Variants in ITIH3 observed in about 807,000 individuals in gnomAD.
ITIH3 encodes inter-alpha-trypsin inhibitor heavy chain H3.
Under a neutral mutation model 96.5 loss-of-function variants are expected in ITIH3, and 81 were observed. That is an observed-to-expected ratio of 0.84 (90% CI 0.70 to 1.01). The LOEUF (loss-of-function observed/expected upper bound fraction) is 1.01, where lower values mean the gene tolerates loss of function less well. ITIH3 is among the 50% of genes least tolerant of loss of function. The pLI, the probability that ITIH3 is intolerant of heterozygous loss-of-function variation, is 0.00. For missense variants in ITIH3, 1,057 were observed against 1,139.3 expected (o/e 0.93, Z 1.04); for synonymous variants, 422 against 445.2 (o/e 0.95, Z 0.66).
At chr3:52,808,078 G>C (rs776533166) in intron 20 of ITIH3, 32 bp from the exon 21 acceptor site, 6 of 1,606,258 alleles carry the variant, frequency 3.7e-6, no homozygotes, top group Non-Finnish European at 5.1e-6. Context: ...GCAATGGCCA[G>C]GGGCTGACAG....
intron 10 of ITIH3, 65 bp from the exon 11 acceptor site, chr3:52,800,900 G>A: frequency 1.3e-6 from 2 of 1,595,782 alleles, no homozygotes; most frequent in South Asian, 1.1e-5. Context: ...GGTCTCCCCA[G>A]ACAGAGCTGG....
Position 52,806,971 on chromosome 3 carries a change from C to T in ITIH3, c.2127C>T (p.Tyr709=). ...CTGACTCCAAGACCAGAAAGACTTACTTTGGAAAACTGGGCATCGCCAATG... is the reference window on the plus strand; with the variant it reads ...CTGACTCCAAGACCAGAAAGACTTATTTTGGAAAACTGGGCATCGCCAATG... ...GSPDSKTRKT[Y]FGKLGIANAQ... is the part of the protein sequence containing the mutation. The change falls in exon 19 of 22, where the codon TAC becomes TAT. Residue 709 remains tyrosine (Y), a synonymous_variant. Transcript: ENST00000449956. 6.3e-7 allele frequency: 1 copy of T among 1,594,716 alleles called. No individual in the cohort carries two copies. Among genetic ancestry groups the T allele is most frequent in the Non-Finnish European group, 8.5e-7 (1 of 1,170,720 alleles).
At position 52,805,834 on chromosome 3, in the gene ITIH3, T is replaced by C; in HGVS notation, c.1900T>C (p.Tyr634His). Residue 634 changes from tyrosine to histidine, a missense_variant, in exon 16 of 22, where the codon TAC becomes CAC. By Grantham distance (83) the Tyr-to-His change is moderately conservative. Transcript: ENST00000449956. ...EATPVSPAMS[Y>H]LTSYQPPQNP... Reference sequence around the variant, plus strand: ...CACACCGGTGAGCCCCGCCATGTCCTACCTGAGTGAGTACATGCTGGCAGC... The same window carrying C: ...CACACCGGTGAGCCCCGCCATGTCCCACCTGAGTGAGTACATGCTGGCAGC... 6.2e-7 allele frequency: 1 copy of C among 1,613,830 alleles called. No individual in the cohort carries two copies. Among genetic ancestry groups the C allele is most frequent in the Non-Finnish European group, 8.5e-7 (1 of 1,179,766 alleles).
intron 11 of ITIH3, 55 bp from the exon 12 acceptor site, chr3:52,802,279 C>G: frequency 1.9e-6 from 3 of 1,575,322 alleles, no homozygotes; most frequent in Non-Finnish European, 2.6e-6. Context: ...CCAGCTGCAG[C>G]ATCAGTGGGA....
intron 17 of ITIH3, 36 bp downstream of exon 17, chr3:52,806,174 GCCTGGGCACGTGCT>G (rs764525966): frequency 1.3e-6 from 2 of 1,599,680 alleles, no homozygotes. Context: ...AGGCTCAGGG[GCCTGGGCACGTGCT>G]CCTGCCTGTC....
At position 52,798,607 on chromosome 3, in the gene ITIH3, T is replaced by G. The variant is rs148517715; in HGVS notation, c.664-359T>G. 2,034 of 229,804 alleles carry G rather than the reference T, an allele frequency of 8.9e-3. 81 individuals carry two copies. The South Asian group carries it at 0.11, about 13-fold the overall frequency. The allele number at this position is 229,804 out of a possible 1,614,324, so 14.2% of individuals were successfully genotyped here. Reference sequence around the variant, plus strand: ...GGAAGCTACCCCTTCCCTAAGTAGCTTCTCAGTGCTGAGCTCCAAGGTAGC... The same window carrying G: ...GGAAGCTACCCCTTCCCTAAGTAGCGTCTCAGTGCTGAGCTCCAAGGTAGC... On this transcript the variant is annotated intron_variant, in intron 6 of 21. Transcript: ENST00000449956.
intron 13 of ITIH3, among the ~76,000 whole-genome samples, chr3:52,803,569 T>C (rs185669485): frequency 4.3e-4 from 65 of 152,320 alleles, no homozygotes; most frequent in Non-Finnish European, 7.9e-4. Context: ...TTCACCCGCC[T>C]TGGCCTCCCA....
intron 9 of ITIH3, 118 bp from the exon 10 acceptor site, chr3:52,800,420 A>G (rs1371546561): frequency 4.1e-6 from 5 of 1,217,326 alleles, no homozygotes; most frequent in Non-Finnish European, 3.4e-6. Flanking sequence ...ATGGGCTGGC[A>G]GATAGGGTCC....
At chr3:52,802,933 GTCTGT>G (rs1277581357) in intron 13 of ITIH3, 127 bp downstream of exon 13, 19 of 1,120,292 alleles carry the variant, frequency 1.7e-5, no homozygotes, top group Non-Finnish European at 2.3e-5. Flanking sequence ...CTGTAGAGCA[GTCTGT>G]AAGGAACCCC....
At chr3:52,800,349 G>A in intron 9 of ITIH3, 189 bp from the exon 10 acceptor site, 1 of 641,452 alleles carries the variant, frequency 1.6e-6, no homozygotes, top group Non-Finnish European at 2.6e-6. Context: ...CCATTTGAAA[G>A]TGGAAGTTGT....
intron 14 of ITIH3, chr3:52,804,402 G>T: frequency 9.1e-6 from 4 of 439,462 alleles, no homozygotes; most frequent in Non-Finnish European, 1.6e-5. Context: ...AGAGCTGGAG[G>T]CTGGGACCCC....
intron 1 of ITIH3, 58 bp from the exon 2 acceptor site, chr3:52,795,545 G>A (rs1699547216): frequency 8.9e-6 from 14 of 1,571,104 alleles, no homozygotes; most frequent in Admixed American, 7.5e-5. Context: ...CAGGCCATGC[G>A]GCCTTGGTGT....
Position 52,796,849 on chromosome 3 carries a change from T to A in ITIH3, c.386+6T>A. On this transcript the variant is annotated splice_donor_region_variant and intron_variant, in intron 4 of 21. Coordinates refer to ENST00000449956, the MANE Select transcript of ITIH3 (RefSeq NM_002217.4). ...AAGACGGCCGGCTTGGTCAAGTAAG[T>A]ATGGACTCCCAGGCCTTGGGGAGAA... 1 of 1,587,128 alleles carries A rather than the reference T, an allele frequency of 6.3e-7. No homozygotes were observed.
Position 52,796,644 on chromosome 3 carries a change from C to T in ITIH3, c.278C>T (p.Thr93Ile). 4 of 1,612,156 alleles carry T rather than the reference C, an allele frequency of 2.5e-6. No homozygotes were observed. Among genetic ancestry groups the T allele is most frequent in the Non-Finnish European group, 3.4e-6 (4 of 1,178,684 alleles). The change falls in exon 3 of 22, where the codon ACC becomes ATC. Residue 93 changes from threonine to isoleucine, a missense_variant. Physicochemically the swap from Thr to Ile is moderately conservative, Grantham distance 89 (BLOSUM62 -1). Transcript: ENST00000449956. Reference sequence around the variant, plus strand: ...AAGACGGCCTTCATCACCAACTTCACCTTGTGGGTACCACCATGGCTGCTG... The same window carrying T: ...AAGACGGCCTTCATCACCAACTTCATCTTGTGGGTACCACCATGGCTGCTG... ...LPKTAFITNF[T>I]LTIDGVTYPG... is the part of the protein sequence containing the mutation.
Position 52,808,666 on chromosome 3 carries a change from C to T in ITIH3, c.2658C>T (p.Val886=). The change falls in exon 22 of 22, where the codon GTC becomes GTT. Residue 886 remains valine, a synonymous_variant. Transcript: ENST00000449956. The stretch of plus-strand genomic sequence containing the variant: ...ATGGTGTCCACACTGACTACATTGT[C>T]CCCAACCTGTTTTGAGTAGACACAC... ...LIDGVHTDYI[V]PNLF 1 of 1,610,364 alleles carries T rather than the reference C, an allele frequency of 6.2e-7. No homozygotes were observed. The highest frequency in any genetic ancestry group is 8.5e-7 in the Non-Finnish European group (1 of 1,176,844).
Position 52,807,879 on chromosome 3 carries a change from C to T in ITIH3, c.2394C>T (p.Asp798=), listed in dbSNP as rs1700113490. ...ACTTTCTAGGCTTCTACGTGGTGGA[C>T]AGTCACCGGATGTCAGCACAGACGC... is the stretch of plus-strand genomic sequence containing the variant. The part of the protein sequence containing the change: ...HRDFLGFYVV[D]SHRMSAQTHG... The change falls in exon 20 of 22, where the codon GAC becomes GAT. Residue 798 remains aspartate (D), a synonymous_variant. Transcript: ENST00000449956. 22 of 1,612,650 alleles carry T rather than the reference C, an allele frequency of 1.4e-5. No homozygotes were observed. Among genetic ancestry groups the T allele is most frequent in the Non-Finnish European group, 1.7e-5 (20 of 1,179,332 alleles).
rs995397988 is a variant in ITIH3, at chr3:52,797,673, C to A, written c.550-144C>A. Reference sequence around the variant, plus strand: ...CTCCAAGCCCCTGTGGTCACTTTCGCAGTGGGAGACACCAGGCTTGGCCCT... The same window carrying A: ...CTCCAAGCCCCTGTGGTCACTTTCGAAGTGGGAGACACCAGGCTTGGCCCT... On this transcript the variant is annotated intron_variant, in intron 5 of 21. Coordinates refer to ENST00000449956, the MANE Select transcript of ITIH3 (RefSeq NM_002217.4). 2.0e-5 allele frequency: 12 copies of A among 606,758 alleles called. No individual in the cohort carries two copies. The African/African-American group carries it at 2.2e-4, about 11-fold the overall frequency. The allele number at this position is 606,758 out of a possible 1,614,324, so 37.6% of individuals were successfully genotyped here. A position where few individuals can be genotyped will look rare whatever the true frequency, so the allele number is the denominator to read the frequency against.
intron 15 of ITIH3, chr3:52,805,016 A>C: frequency 2.1e-6 from 1 of 474,350 alleles, no homozygotes; most frequent in Non-Finnish European, 3.9e-6. Flanking sequence ...AGTCATTTAT[A>C]CTTCATTAGT....
At chr3:52,801,978 G>A (rs1217616781) in intron 11 of ITIH3, among the ~76,000 whole-genome samples, 2 of 151,602 alleles carry the variant, frequency 1.3e-5, no homozygotes, top group Non-Finnish European at 2.9e-5. Context: ...CTGCACTCCT[G>A]TCCACATCAC....
Sources: allele counts gnomAD v4.1 joint callset (sites outside exome capture counted in the v4.1 genomes callset), GRCh38; gene constraint gnomAD v4.1.1; transcripts MANE v1.5; gene names NCBI Gene and HGNC (gene_info 2026-07-23, HGNC 2026-07-21).